Variants in ZDHHC21 observed in about 807,000 individuals in gnomAD.
ZDHHC21 encodes the protein palmitoyltransferase ZDHHC21.
Under a neutral mutation model 34.6 loss-of-function variants are expected in ZDHHC21, and 15 were observed. That is an observed-to-expected ratio of 0.43 (90% CI 0.29 to 0.67). The LOEUF (loss-of-function observed/expected upper bound fraction) is 0.67. Among genes scored for constraint, ZDHHC21 ranks in the 30% least tolerant of loss-of-function variants. The pLI is 0.14. For missense variants in ZDHHC21, 344 were observed against 327.7 expected (o/e 1.05, Z -0.38); for synonymous variants, 142 against 101.8 (o/e 1.40, Z -2.38).
At chr9:14,610,617 GA>G (rs1362026501), downstream of ZDHHC21, among the ~76,000 whole-genome samples, 1 of 151,936 alleles carries the variant, frequency 6.6e-6, no homozygotes, top group African/African-American at 2.4e-5. Flanking sequence ...CAGAGCTGAT[GA>G]TTTTTTTTGG....
intron 2 of ZDHHC21, among the ~76,000 whole-genome samples, chr9:14,684,822 C>G (rs1206825754): frequency 6.6e-6 from 1 of 152,154 alleles, no homozygotes; most frequent in African/African-American, 2.4e-5. Flanking sequence ...GCTACAGTAA[C>G]CAAAACACCA....
chr9:14,655,909 A>G (rs932735154), intron 7 of ZDHHC21, among the ~76,000 whole-genome samples: 6 of 151,956 alleles, frequency 3.9e-5, no homozygotes, highest in African/African-American at 1.4e-4. Context: ...TATGAGACAC[A>G]GTAATCAAGA....
At chr9:14,595,917 C>A in the ZDHHC21 span, among the ~76,000 whole-genome samples, 1 of 152,070 alleles carries the variant, frequency 6.6e-6, no homozygotes, top group African/African-American at 2.4e-5. Context: ...TTGAAAAGTC[C>A]CATAATACCA....
intron 4 of ZDHHC21, among the ~76,000 whole-genome samples, chr9:14,673,791 T>C (rs1835883222): frequency 6.6e-6 from 1 of 152,080 alleles, no homozygotes; most frequent in East Asian, 1.9e-4. Flanking sequence ...CATAATCAAC[T>C]TCGTAATCAA....
At chr9:14,625,070 T>C (rs1481429764) in intron 8 of ZDHHC21, among the ~76,000 whole-genome samples, 1 of 151,918 alleles carries the variant, frequency 6.6e-6, no homozygotes, top group East Asian at 1.9e-4. Flanking sequence ...GCACCTCTGA[T>C]TAGTATATGA....
At chr9:14,632,193 C>T (rs1047442571) in intron 8 of ZDHHC21, among the ~76,000 whole-genome samples, 1 of 151,872 alleles carries the variant, frequency 6.6e-6, no homozygotes, top group African/African-American at 2.4e-5. Flanking sequence ...TGTATCAAAA[C>T]TACTATCAAG....
At chr9:14,655,454 G>A (rs1832041316) in intron 7 of ZDHHC21, among the ~76,000 whole-genome samples, 1 of 151,828 alleles carries the variant, frequency 6.6e-6, no homozygotes, top group Non-Finnish European at 1.5e-5. Context: ...CATATAACTT[G>A]TATAACAATA....
chr9:14,623,873 A>G (rs1286701195), intron 8 of ZDHHC21, among the ~76,000 whole-genome samples: 1 of 152,072 alleles, frequency 6.6e-6, no homozygotes, highest in Non-Finnish European at 1.5e-5. Context: ...GAGAAAAGGG[A>G]ACCCTTACAC....
chr9:14,632,060 C>A (rs1361981971), intron 8 of ZDHHC21, among the ~76,000 whole-genome samples: 1 of 148,628 alleles, frequency 6.7e-6, no homozygotes, highest in Non-Finnish European at 1.5e-5. Flanking sequence ...TTAAAACACA[C>A]ACAAACACAC....
At chr9:14,602,880 T>C in the ZDHHC21 span, among the ~76,000 whole-genome samples, 3 of 130,378 alleles carry the variant, frequency 2.3e-5, no homozygotes, top group South Asian at 7.2e-4. Flanking sequence ...GTTATGATCA[T>C]GCCACTGCAT....
At chr9:14,621,217 G>A (rs937448850) in intron 8 of ZDHHC21, among the ~76,000 whole-genome samples, 2 of 152,006 alleles carry the variant, frequency 1.3e-5, no homozygotes, top group African/African-American at 4.8e-5. Flanking sequence ...AAAGGTATAT[G>A]AATGGCCTAA....
rs117605584 is a variant in ZDHHC21 at position 14,653,895 on chromosome 9, C to A, written c.504+4854G>T. Among the ~76,000 whole-genome samples, 15 of 151,918 alleles carry A rather than the reference C, an allele frequency of 9.9e-5. No individual in the cohort carries two copies. The East Asian group carries it at 2.7e-3, about 27-fold the overall frequency. On this transcript the variant is annotated intron_variant, in intron 7 of 9. Coordinates refer to ENST00000380916, the MANE Select transcript of ZDHHC21 (RefSeq NM_178566.6). ...AACACTATTAAAAGCCAGATAAAAT[C>A]CAATTAATTAATAAATACACAGCTG... is the stretch of plus-strand genomic sequence containing the variant.
intron 5 of ZDHHC21, among the ~76,000 whole-genome samples, chr9:14,672,513 C>T (rs557437881): frequency 4.3e-4 from 66 of 152,006 alleles, no homozygotes; most frequent in African/African-American, 1.5e-3. Flanking sequence ...GATCGCACAC[C>T]AACAACCAGA....
chr9:14,624,361 A>G (rs1255035049), intron 8 of ZDHHC21, among the ~76,000 whole-genome samples: 1 of 152,098 alleles, frequency 6.6e-6, no homozygotes, highest in African/African-American at 2.4e-5. Flanking sequence ...TAAAATCAGT[A>G]TGTCAGAGTC....
intron 6 of ZDHHC21, among the ~76,000 whole-genome samples, chr9:14,659,911 C>T (rs1296332385): frequency 6.6e-6 from 1 of 152,148 alleles, no homozygotes; most frequent in Non-Finnish European, 1.5e-5. Context: ...TCAACAGCTG[C>T]CGATTGAAAG....
intron 7 of ZDHHC21, among the ~76,000 whole-genome samples, chr9:14,644,792 T>TTATA (rs55875418): frequency 7.3e-5 from 11 of 151,004 alleles, no homozygotes; most frequent in East Asian, 3.9e-4. Flanking sequence ...TGGTGGGAGT[T>TTATA]TATATATATA....
At chr9:14,588,882 C>T in the ZDHHC21 span, 2 of 152,082 alleles carry the variant, frequency 1.3e-5, no homozygotes, top group African/African-American at 4.8e-5. Context: ...CACAATGAGC[C>T]CACTGACTCA....
At chr9:14,654,120 G>A (rs543210447) in intron 7 of ZDHHC21, among the ~76,000 whole-genome samples, 1 of 152,074 alleles carries the variant, frequency 6.6e-6, no homozygotes, top group South Asian at 2.1e-4. Context: ...CCAAGGCCAG[G>A]AAAACAGTAA....
At chr9:14,638,770 C>G (rs942270663) in intron 8 of ZDHHC21, among the ~76,000 whole-genome samples, 1 of 151,684 alleles carries the variant, frequency 6.6e-6, no homozygotes, top group Non-Finnish European at 1.5e-5. Flanking sequence ...TGAAAAGTAC[C>G]ATCATTAATC....
Sources: gnomAD v4.1 joint callset for allele counts (sites outside exome capture counted in the v4.1 genomes callset) on GRCh38, gnomAD v4.1.1 for gene constraint, MANE v1.5 for transcripts, NCBI Gene and HGNC (gene_info 2026-07-23, HGNC 2026-07-21) for gene names.